NEDD4L: variants seen among roughly 807,000 people sequenced by gnomAD.
The protein encoded by NEDD4L is E3 ubiquitin-protein ligase NEDD4-like.
A neutral mutation model predicts 148.9 loss-of-function variants in NEDD4L; 54 were observed. The ratio of observed to expected loss-of-function variants is 0.36; its 90% confidence interval spans 0.29 to 0.45. The LOEUF is 0.45. Ranked by LOEUF, NEDD4L falls within the 20% of genes least tolerant of loss-of-function variation. The probability of loss-of-function intolerance (pLI) is 1.00; values close to 1 mark genes in which losing one functional copy is unlikely to be tolerated. For synonymous variants in NEDD4L, 433 were observed against 440.7 expected, an observed-to-expected ratio of 0.98 and a Z score of 0.22; for missense variants, 856 against 1,233.8, an observed-to-expected ratio of 0.69 and a Z score of 4.59.
intron 14 of NEDD4L, 88 bp from the exon 15 acceptor site, chr18:58,341,590 G>A: frequency 1.4e-6 from 2 of 1,410,830 alleles, no homozygotes; most frequent in African/African-American, 1.5e-5. Flanking sequence ...TATTATTGCT[G>A]TTTGCGTTGT....
At chr18:58,164,434 C>T (rs2034012305) in intron 1 of NEDD4L, among the ~76,000 whole-genome samples, 1 of 152,176 alleles carries the variant, frequency 6.6e-6, no homozygotes, top group South Asian at 2.1e-4. Context: ...CCTCAAGTGA[C>T]TAATGGAGGC....
At chr18:58,165,321 AC>A (rs1318239849) in intron 1 of NEDD4L, among the ~76,000 whole-genome samples, 22 of 152,382 alleles carry the variant, frequency 1.4e-4, no homozygotes, top group Non-Finnish European at 2.4e-4. Flanking sequence ...GTTGATGCCA[AC>A]ATTTTAAAAG....
At chr18:58,206,542 C>T (rs2042005410) in intron 2 of NEDD4L, among the ~76,000 whole-genome samples, 1 of 152,170 alleles carries the variant, frequency 6.6e-6, no homozygotes, top group African/African-American at 2.4e-5. Context: ...GTCTGAACCT[C>T]CCCTCCTCAG....
At chr18:58,164,532 T>G (rs1182148579) in intron 1 of NEDD4L, among the ~76,000 whole-genome samples, 2 of 152,184 alleles carry the variant, frequency 1.3e-5, no homozygotes, top group Admixed American at 1.3e-4. Flanking sequence ...AGTGCAGTGG[T>G]GTGATCTTGG....
chr18:58,054,786 G>T (rs2082022964), intron 1 of NEDD4L: 1 of 152,190 alleles, frequency 6.6e-6, no homozygotes, highest in African/African-American at 2.4e-5. Context: ...AATGAATGTG[G>T]CTCTTGGATT....
At chr18:58,340,454 G>C (rs1328248437) in intron 13 of NEDD4L, among the ~76,000 whole-genome samples, 1 of 152,192 alleles carries the variant, frequency 6.6e-6, no homozygotes, top group Non-Finnish European at 1.5e-5. Flanking sequence ...GGGGCACACA[G>C]ATGTCCTGGG....
chr18:58,373,233 C>T lies in NEDD4L; in HGVS notation c.2316C>T (p.Asp772=), dbSNP rs777769032. Residue 772 remains aspartate, a synonymous_variant, in exon 24 of 31, where the codon GAC becomes GAT. Transcript: ENST00000400345. ...WILENDPTEL[D]LMFCIDEENF... is the part of the protein sequence containing the mutation. ...TGGAGAATGACCCTACTGAGCTGGA[C>T]CTCATGTTCTGCATAGACGAAGAAA... is the stretch of plus-strand genomic sequence containing the variant. 1.3e-5 allele frequency: 21 copies of T among 1,581,100 alleles called. No homozygotes were observed. The African/African-American group carries it at 1.6e-4, about 12-fold the overall frequency.
At chr18:58,190,008 C>T (rs1424224147) in intron 2 of NEDD4L, 1 of 152,116 alleles carries the variant, frequency 6.6e-6, no homozygotes, top group Non-Finnish European at 1.5e-5. Flanking sequence ...TATTCCAAAT[C>T]GTTTTTAGGG....
intron 1 of NEDD4L, among the ~76,000 whole-genome samples, chr18:58,120,861 T>A (rs1598925085): frequency 1.3e-5 from 2 of 149,500 alleles, no homozygotes; most frequent in East Asian, 2.0e-4. Flanking sequence ...CCCCCCTCAC[T>A]CCCCCATCCC....
At chr18:58,216,957 C>T (rs1381478827) in intron 2 of NEDD4L, among the ~76,000 whole-genome samples, 1 of 152,158 alleles carries the variant, frequency 6.6e-6, no homozygotes, top group Non-Finnish European at 1.5e-5. Flanking sequence ...CTGTAGCTGC[C>T]AGATTCTAAA....
intron 5 of NEDD4L, among the ~76,000 whole-genome samples, chr18:58,254,421 A>G (rs2048267510): frequency 1.3e-5 from 2 of 151,952 alleles, no homozygotes; most frequent in Non-Finnish European, 1.5e-5. Context: ...TTTATTTCTT[A>G]GGTCCTTTTT....
At chr18:58,238,393 ATTAG>A (rs904390712) in intron 2 of NEDD4L, among the ~76,000 whole-genome samples, 3 of 152,190 alleles carry the variant, frequency 2.0e-5, no homozygotes, top group Admixed American at 2.0e-4. Context: ...TGTAACTGTT[ATTAG>A]TTTTTTGATA....
chr18:58,081,029 T>C (rs2083403322), intron 1 of NEDD4L, among the ~76,000 whole-genome samples: 1 of 152,048 alleles, frequency 6.6e-6, no homozygotes, highest in Admixed American at 6.6e-5. Flanking sequence ...AAGCCTCCTA[T>C]ATGATAATGT....
chr18:58,263,865 T>C (rs1600413207), intron 5 of NEDD4L, among the ~76,000 whole-genome samples: 1 of 152,120 alleles, frequency 6.6e-6, no homozygotes, highest in East Asian at 1.9e-4. Flanking sequence ...ATCCAGGAGG[T>C]CTTCTGGCTA....
chr18:58,088,125 C>T (rs1024303733), intron 1 of NEDD4L, among the ~76,000 whole-genome samples: 10 of 152,210 alleles, frequency 6.6e-5, no homozygotes, highest in East Asian at 1.9e-4. Context: ...CTGAGGGGTG[C>T]GTGAATGCCT....
intron 5 of NEDD4L, among the ~76,000 whole-genome samples, chr18:58,270,836 A>G (rs1404215240): frequency 6.6e-6 from 1 of 151,996 alleles, no homozygotes; most frequent in Non-Finnish European, 1.5e-5. Context: ...CAAGCTCACT[A>G]GCATTGTTTA....
At chr18:58,355,918 T>TA (rs1350265707) in intron 18 of NEDD4L, among the ~76,000 whole-genome samples, 4 of 152,130 alleles carry the variant, frequency 2.6e-5, no homozygotes, top group African/African-American at 9.7e-5. Flanking sequence ...TCAGCTCACT[T>TA]ACAGTGTATA....
At chr18:58,101,189 A>G (rs571730) in intron 1 of NEDD4L, among the ~76,000 whole-genome samples, 1 of 151,908 alleles carries the variant, frequency 6.6e-6, no homozygotes, top group South Asian at 2.1e-4. Flanking sequence ...GTCTTTTTCT[A>G]TCAGATGAAA....
At chr18:58,328,395 A>G (rs1347846213) in intron 9 of NEDD4L, among the ~76,000 whole-genome samples, 2 of 152,224 alleles carry the variant, frequency 1.3e-5, no homozygotes, top group Non-Finnish European at 2.9e-5. Flanking sequence ...TCCTGATGTT[A>G]TTAGGATTTT....
Sources: allele counts gnomAD v4.1 joint callset (sites outside exome capture counted in the v4.1 genomes callset), GRCh38; gene constraint gnomAD v4.1.1; transcripts MANE v1.5; gene names NCBI Gene and HGNC (gene_info 2026-07-23, HGNC 2026-07-21).